Variants in IARS2 observed in about 807,000 individuals in gnomAD.
IARS2 encodes the protein isoleucyl-tRNA synthetase 2, mitochondrial.
A neutral mutation model predicts 126.3 loss-of-function variants in IARS2; 56 were observed. That is an observed-to-expected ratio of 0.44 (90% CI 0.36 to 0.55). The LOEUF (loss-of-function observed/expected upper bound fraction) is 0.55, where lower values mean the gene tolerates loss of function less well. Among genes scored for constraint, IARS2 ranks in the 20% least tolerant of loss-of-function variants. IARS2 has a pLI of 0.00. For synonymous variants in IARS2, 407 were observed against 441.1 expected, an observed-to-expected ratio of 0.92 and a Z score of 0.97; for missense variants, 1,127 against 1,245.9, an observed-to-expected ratio of 0.90 and a Z score of 1.44.
Position 220,126,039 on chromosome 1 carries a change from G to A in IARS2, c.1743+700G>A, listed in dbSNP as rs555105858. On this transcript the variant is annotated intron_variant, in intron 13 of 22. Coordinates refer to ENST00000366922, the MANE Select transcript of IARS2 (RefSeq NM_018060.4). Reference sequence around the variant, plus strand: ...GGAGAATGGCCTGAACCCGGGAGGCGGAGCTTGCAGTGAGCCGAGATCGCA... The same window carrying A: ...GGAGAATGGCCTGAACCCGGGAGGCAGAGCTTGCAGTGAGCCGAGATCGCA... Among the ~76,000 whole-genome samples the A allele has an allele frequency of 1.5e-3, 234 of 151,270 alleles. 3 individuals carry two copies. The highest frequency in any genetic ancestry group is 5.3e-3 in the African/African-American group (217 of 41,132).
chr1:220,103,273 C>A (rs1472318794), intron 7 of IARS2, among the ~76,000 whole-genome samples, 174 bp from the exon 8 acceptor site: 1 of 152,112 alleles, frequency 6.6e-6, no homozygotes, highest in Non-Finnish European at 1.5e-5. Context: ...GTTGCAAACT[C>A]CCAACCTCAG....
At chr1:220,115,430 G>A (rs1040194033) in intron 12 of IARS2, among the ~76,000 whole-genome samples, 8 of 150,418 alleles carry the variant, frequency 5.3e-5, no homozygotes, top group Non-Finnish European at 7.5e-5. Flanking sequence ...GCATGGTGGC[G>A]CGGGCCTGTA....
chr1:220,137,996 G>A lies in IARS2; in HGVS notation c.2128G>A (p.Ala710Thr), dbSNP rs187895132. ...VADSNVFTEV[A>T]IGPSVLNAAR... The stretch of plus-strand genomic sequence containing the variant: ...TGATTCCAATGTCTTCACCGAAGTT[G>A]CAATTGGCCCATCCGTGCTCAATGC... The change falls in exon 17 of 23, where the codon GCA becomes ACA. Residue 710 changes from alanine (A) to threonine (T), a missense_variant. Ala to Thr is a moderately conservative substitution (Grantham distance 58, BLOSUM62 0). Transcript: ENST00000366922. 7.9e-5 allele frequency: 128 copies of A among 1,614,114 alleles called. No individual in the cohort carries two copies. The East Asian group carries it at 2.7e-3, about 34-fold the overall frequency.
At chr1:220,113,615 A>G (rs986511049) in intron 11 of IARS2, among the ~76,000 whole-genome samples, 3 of 145,160 alleles carry the variant, frequency 2.1e-5, no homozygotes, top group African/African-American at 8.6e-5. Context: ...ACTGTTAGCC[A>G]TTTGTCGATA....
At chr1:220,121,244 A>T (rs1313309261) in intron 12 of IARS2, among the ~76,000 whole-genome samples, 1 of 152,178 alleles carries the variant, frequency 6.6e-6, no homozygotes, top group South Asian at 2.1e-4. Context: ...AAGCTAAAAG[A>T]AAAACAAAAA....
At position 220,102,136 on chromosome 1, in the gene IARS2, A is replaced by G. The variant is rs1467843379; in HGVS notation, c.558A>G (p.Ser186=). Residue 186 remains serine, a synonymous_variant, in exon 4 of 23, where the codon TCA becomes TCG. Coordinates refer to ENST00000366922, the MANE Select transcript of IARS2 (RefSeq NM_018060.4). ...SAMEIRKKAR[S]FAKAAIEKQK... ...TTTTCGTCTTTTTTTTAGCTAGATC[A>G]TTTGCTAAAGCAGCCATTGAGAAAC... is the stretch of plus-strand genomic sequence containing the variant. The G allele has an allele frequency of 6.3e-7, 1 of 1,596,408 alleles. No homozygotes were observed. The highest frequency in any genetic ancestry group is 1.2e-5 in the South Asian group (1 of 86,784).
intron 12 of IARS2, 135 bp from the exon 13 acceptor site, chr1:220,125,102 A>T: frequency 2.0e-6 from 1 of 504,466 alleles, no homozygotes; most frequent in Non-Finnish European, 3.5e-6. Context: ...TATTGAATTT[A>T]AAATGATAGC....
At chr1:220,137,580 T>C (rs1224267784) in intron 16 of IARS2, 1 of 190,118 alleles carries the variant, frequency 5.3e-6, no homozygotes. Context: ...GGAAAAGCAG[T>C]CCTTCCTCTT....
chr1:220,139,487 C>T (rs1205217614), intron 18 of IARS2, among the ~76,000 whole-genome samples: 1 of 152,184 alleles, frequency 6.6e-6, no homozygotes, highest in Non-Finnish European at 1.5e-5. Flanking sequence ...TGGAAACTCA[C>T]ACCTATAAAT....
In IARS2 at chr1:220,140,287, T is replaced by C; in HGVS notation, c.2412T>C (p.Asp804=). 1.3e-6 allele frequency: 2 copies of C among 1,528,502 alleles called. No individual in the cohort carries two copies. The highest frequency in any genetic ancestry group is 1.8e-6 in the Non-Finnish European group (2 of 1,102,568). The allele number at this position is 1,528,502 out of a possible 1,614,324, so 94.7% of individuals were successfully genotyped here. The change falls in exon 19 of 23, where the codon GAT becomes GAC. Residue 804 remains aspartate (D), a splice_region_variant and synonymous_variant. Transcript: ENST00000366922. ...LSNFYFSIIK[D]RLYCEKENDP... ...ACTTTTATTTCAGTATAATCAAAGA[T>C]AGGTATGTATGACTAAATATTAAAA... is the stretch of plus-strand genomic sequence containing the variant.
intron 15 of IARS2, 183 bp downstream of exon 15, chr1:220,134,693 A>G: frequency 5.1e-6 from 2 of 389,718 alleles, no homozygotes; most frequent in Non-Finnish European, 9.1e-6. Flanking sequence ...TGTGATGCAG[A>G]TCATAACTCT....
intron 14 of IARS2, among the ~76,000 whole-genome samples, chr1:220,129,085 G>T (rs1212013666): frequency 6.6e-6 from 1 of 152,004 alleles, no homozygotes; most frequent in East Asian, 1.9e-4. Context: ...GTTTCACCGT[G>T]TTGGCCAGGC....
At chr1:220,123,724 G>A (rs558362505) in intron 12 of IARS2, among the ~76,000 whole-genome samples, 14 of 152,230 alleles carry the variant, frequency 9.2e-5, no homozygotes, top group Admixed American at 4.6e-4. Flanking sequence ...TGATCCGCCC[G>A]CCTCAGCCTC....
At chr1:220,134,373 T>C (rs1452429664) in intron 14 of IARS2, 29 bp from the exon 15 acceptor site, 1 of 1,470,998 alleles carries the variant, frequency 6.8e-7, no homozygotes, top group Non-Finnish European at 9.2e-7. Flanking sequence ...ATTTCTGGGT[T>C]TTTTTTTCTT....
Position 220,106,078 on chromosome 1 carries a change from T to C in IARS2, c.1236+18T>C. The C allele has an allele frequency of 6.4e-7, 1 of 1,554,934 alleles. No homozygotes were observed. Among genetic ancestry groups the C allele is most frequent in the Non-Finnish European group, 8.7e-7 (1 of 1,145,574 alleles). ...TGCCCATGGTACTGTTCCTCTTTTA[T>C]CATTTTTAATTATTCATCTTAATAA... is the stretch of plus-strand genomic sequence containing the variant. On this transcript the variant is annotated intron_variant, in intron 9 of 22. Transcript: ENST00000366922.
chr1:220,094,771 C>T (rs1012756675), intron 1 of IARS2, among the ~76,000 whole-genome samples: 3 of 152,154 alleles, frequency 2.0e-5, no homozygotes, highest in Non-Finnish European at 4.4e-5. Context: ...CCATGTCTAC[C>T]GTAGGCAAAA....
chr1:220,145,761 G>A, intron 22 of IARS2, 108 bp downstream of exon 22: 1 of 828,188 alleles, frequency 1.2e-6, no homozygotes, highest in Non-Finnish European at 1.8e-6. Flanking sequence ...ATATATACTT[G>A]GAATACATCT....
Position 220,102,629 on chromosome 1 carries a change from G to A in IARS2, c.859+25G>A, listed in dbSNP as rs539127735. 78 of 1,585,088 alleles carry A rather than the reference G, an allele frequency of 4.9e-5. No individual in the cohort carries two copies. In the South Asian group the frequency reaches 6.9e-4, roughly 14 times the overall value. On this transcript the variant is annotated intron_variant, in intron 6 of 22. Transcript: ENST00000366922. Reference sequence around the variant, plus strand: ...GGTAAGATTTATTCATAGCTTGAGTGTACCAAAGTTATAGAATTATCCCAT... The same window carrying A: ...GGTAAGATTTATTCATAGCTTGAGTATACCAAAGTTATAGAATTATCCCAT...
In IARS2 at chr1:220,146,041, C is replaced by T. The variant is rs185548709; in HGVS notation, c.2896+388C>T. On this transcript the variant is annotated intron_variant, in intron 22 of 22. Coordinates refer to ENST00000366922, the MANE Select transcript of IARS2 (RefSeq NM_018060.4). ...TCCCCAGTATTGATTCTAAAATTTCCTATTATGTATACCCCGGATTAAAAT... is the reference window on the plus strand; with the variant it reads ...TCCCCAGTATTGATTCTAAAATTTCTTATTATGTATACCCCGGATTAAAAT... 2.7e-3 allele frequency among the ~76,000 whole-genome samples: 415 copies of T among 152,270 alleles called. 1 individual carries two copies. The highest frequency in any genetic ancestry group is 7.3e-3 in the South Asian group (35 of 4,822).
Sources: allele counts gnomAD v4.1 joint callset (sites outside exome capture counted in the v4.1 genomes callset), GRCh38; gene constraint gnomAD v4.1.1; transcripts MANE v1.5; gene names NCBI Gene and HGNC (gene_info 2026-07-23, HGNC 2026-07-21).